The following PKP2 variants were observed in gnomAD, a reference collection of about 807,000 sequenced individuals.
The protein encoded by PKP2 is plakophilin-2.
PKP2 carries 73 observed loss-of-function variants against 83.4 expected under a neutral mutation model. The observed-to-expected ratio is 0.88, with a 90% CI of 0.72 to 1.06. The LOEUF is 1.06. Among genes scored for constraint, PKP2 ranks in the 50% least tolerant of loss-of-function variants. The probability of loss-of-function intolerance (pLI) is 0.00; values close to 1 mark genes in which losing one functional copy is unlikely to be tolerated. For synonymous variants in PKP2, 409 were observed against 430.4 expected, an observed-to-expected ratio of 0.95 and a Z score of 0.62; for missense variants, 966 against 1,065.4, an observed-to-expected ratio of 0.91 and a Z score of 1.30.
At chr12:32,871,383 C>T (rs140549639) in intron 3 of PKP2, among the ~76,000 whole-genome samples, 2 of 152,204 alleles carry the variant, frequency 1.3e-5, no homozygotes, top group East Asian at 3.9e-4. Context: ...ATAACCTCAA[C>T]CTCCTGGGCT....
At chr12:32,814,230 C>T (rs1956301488) in intron 9 of PKP2, among the ~76,000 whole-genome samples, 1 of 152,196 alleles carries the variant, frequency 6.6e-6, no homozygotes, top group South Asian at 2.1e-4. Flanking sequence ...TTATTCTTTC[C>T]TCAACATTTG....
chr12:32,873,318 A>C (rs113351286), intron 3 of PKP2, among the ~76,000 whole-genome samples: 29,066 of 151,620 alleles, frequency 0.19, 2,742 homozygotes, highest in Middle Eastern at 0.25. Flanking sequence ...GGCTGGTTTC[A>C]AATTCCTGGG....
intron 1 of PKP2, among the ~76,000 whole-genome samples, chr12:32,889,479 C>A (rs144760614): frequency 6.6e-6 from 1 of 152,302 alleles, no homozygotes; most frequent in East Asian, 1.9e-4. Flanking sequence ...AGAACTGTAT[C>A]TTACACTACC....
Position 32,792,726 on chromosome 12 carries a change from G to C in PKP2, c.2363C>G (p.Ala788Gly). Reference sequence around the variant, plus strand: ...AGCAGCTTTACTTGCTTTGTTGGAGGCATAGCTGAAAAGAAAAGGACATTC... The same window carrying C: ...AGCAGCTTTACTTGCTTTGTTGGAGCCATAGCTGAAAAGAAAAGGACATTC... ...IMAISAGDAYASNKASKAASV... is the reference protein window; with the variant it reads ...IMAISAGDAYGSNKASKAASV... Residue 788 changes from alanine (A) to glycine (G), a missense_variant, in exon 12 of 13, where the codon GCC becomes GGC. Coordinates refer to ENST00000340811, the MANE Select transcript of PKP2 (RefSeq NM_001005242.3). The C allele has an allele frequency of 6.2e-7, 1 of 1,613,342 alleles. No homozygotes were observed.
intron 6 of PKP2, among the ~76,000 whole-genome samples, chr12:32,830,182 A>G (rs1374252144): frequency 1.3e-5 from 2 of 152,244 alleles, no homozygotes; most frequent in Non-Finnish European, 2.9e-5. Context: ...ATCGGCTGAC[A>G]TGGAAGCATC....
At chr12:32,854,313 A>G (rs1172556533) in intron 4 of PKP2, among the ~76,000 whole-genome samples, 1 of 152,220 alleles carries the variant, frequency 6.6e-6, no homozygotes, top group East Asian at 1.9e-4. Context: ...CAGACATACC[A>G]GTGCTTAGAT....
chr12:32,879,461 G>A (rs533511171), intron 1 of PKP2, among the ~76,000 whole-genome samples: 29 of 152,274 alleles, frequency 1.9e-4, no homozygotes, highest in Middle Eastern at 3.4e-3. Context: ...GAACTCGGGA[G>A]ACAGAGGTTG....
At chr12:32,801,303 A>C (rs1956175936) in intron 10 of PKP2, among the ~76,000 whole-genome samples, 1 of 152,202 alleles carries the variant, frequency 6.6e-6, no homozygotes, top group Non-Finnish European at 1.5e-5. Context: ...GATGGAGTCA[A>C]TTTTTCATTT....
intron 11 of PKP2, among the ~76,000 whole-genome samples, chr12:32,795,207 G>A (rs1294348734): frequency 6.0e-5 from 9 of 150,450 alleles, no homozygotes; most frequent in African/African-American, 2.0e-4. Context: ...TTTTTAATAG[G>A]GAAAAGTTGA....
At chr12:32,799,592 A>G (rs1956161164) in intron 10 of PKP2, among the ~76,000 whole-genome samples, 1 of 152,224 alleles carries the variant, frequency 6.6e-6, no homozygotes, top group Non-Finnish European at 1.5e-5. Context: ...ACCATGGAAT[A>G]CTACTCAGCC....
chr12:32,821,824 T>G, intron 8 of PKP2: 2 of 371,298 alleles, frequency 5.4e-6, no homozygotes, highest in Non-Finnish European at 1.0e-5. Flanking sequence ...CAGGCTGCTG[T>G]TGAGCTAAAA....
At chr12:32,794,168 C>T (rs1956100260) in intron 11 of PKP2, among the ~76,000 whole-genome samples, 2 of 152,162 alleles carry the variant, frequency 1.3e-5, no homozygotes, top group Admixed American at 1.3e-4. Context: ...GTCAAATCAG[C>T]ACTTATTAGT....
chr12:32,796,145 C>T lies in PKP2; in HGVS notation c.2321G>A (p.Gly774Asp), dbSNP rs1192534020. ...ACTAATGGCCATAATTTTCTGGATG[C>T]CCCCGGTGTTTAGAAGGTCGCGTGC... Reference protein sequence around the residue: ...QNARDLLNTGGIQKIMAISAG... With the variant: ...QNARDLLNTGDIQKIMAISAG... Residue 774 changes from glycine to aspartate, a missense_variant, in exon 11 of 13, where the codon GGC becomes GAC. Transcript: ENST00000340811. The T allele has an allele frequency of 1.2e-6, 2 of 1,613,946 alleles. No individual in the cohort carries two copies. The highest frequency in any genetic ancestry group is 1.7e-6 in the Non-Finnish European group (2 of 1,179,940).
At position 32,878,930 on chromosome 12, in the gene PKP2, T is replaced by A. The variant is rs756446946; in HGVS notation, c.326A>T (p.Asp109Val). Residue 109 changes from aspartate (D) to valine (V), a missense_variant, in exon 2 of 13, where the codon GAC becomes GTC. By Grantham distance (152) the Asp-to-Val change is radical (BLOSUM62 -3). Transcript: ENST00000340811. ...GGRSPVPKTY[D>V]MLKAGTTATY... ...TCTTTGATATCCTACCTTTAGCATG[T>A]CATAGGTTTTAGGAACAGGGGAACG... 1 of 1,551,744 alleles carries A rather than the reference T, an allele frequency of 6.4e-7. No individual in the cohort carries two copies. The highest frequency in any genetic ancestry group is 2.2e-5 in the East Asian group (1 of 44,604).
At chr12:32,844,689 TTA>T (rs1956631010) in intron 5 of PKP2, among the ~76,000 whole-genome samples, 1 of 152,298 alleles carries the variant, frequency 6.6e-6, no homozygotes, top group African/African-American at 2.4e-5. Context: ...AAAAATTAGC[TTA>T]TCTCTTATCA....
intron 5 of PKP2, among the ~76,000 whole-genome samples, chr12:32,845,527 C>G (rs1229009228): frequency 2.6e-5 from 4 of 151,752 alleles, no homozygotes; most frequent in Non-Finnish European, 4.4e-5. Flanking sequence ...ACTCCAGCCT[C>G]GGCAACAGAG....
At chr12:32,819,875 C>T (rs148537142) in intron 9 of PKP2, among the ~76,000 whole-genome samples, 197 of 76,002 alleles carry the variant, frequency 2.6e-3, no homozygotes, top group African/African-American at 8.6e-3. Context: ...CACACACACA[C>T]GCACACACAA....
At position 32,878,186 on chromosome 12, in the gene PKP2, C is replaced by T; in HGVS notation, c.694G>A (p.Asp232Asn). ...AGGGCCGGGTTGGCAGGGATGCTGTCAAAAACGGTGTCGCTAACAGAGCCA... is the reference window on the plus strand; with the variant it reads ...AGGGCCGGGTTGGCAGGGATGCTGTTAAAAACGGTGTCGCTAACAGAGCCA... ...QHGSVSDTVF[D>N]SIPANPALLT... The change falls in exon 3 of 13, where the codon GAC becomes AAC. Residue 232 changes from aspartate (D) to asparagine (N), a missense_variant. Coordinates refer to ENST00000340811, the MANE Select transcript of PKP2 (RefSeq NM_001005242.3). 1 of 1,614,202 alleles carries T rather than the reference C, an allele frequency of 6.2e-7. No homozygotes were observed. Among genetic ancestry groups the T allele is most frequent in the South Asian group, 1.1e-5 (1 of 91,078 alleles).
chr12:32,836,799 T>C (rs1365523835), intron 6 of PKP2, among the ~76,000 whole-genome samples: 1 of 152,170 alleles, frequency 6.6e-6, no homozygotes, highest in Non-Finnish European at 1.5e-5. Context: ...GTCTTAAGAT[T>C]TTTAAGAGTG....
Sources: gnomAD v4.1 joint callset for allele counts (sites outside exome capture counted in the v4.1 genomes callset) on GRCh38, gnomAD v4.1.1 for gene constraint, MANE v1.5 for transcripts, NCBI Gene and HGNC (gene_info 2026-07-23, HGNC 2026-07-21) for gene names.